Variants in EXOC6 observed in about 807,000 individuals in gnomAD.
The protein encoded by EXOC6 is exocyst complex component 6, also known as SEC15-like 1.
A neutral mutation model predicts 112.5 loss-of-function variants in EXOC6; 60 were observed. The ratio of observed to expected loss-of-function variants is 0.53; its 90% confidence interval spans 0.43 to 0.66. The LOEUF (loss-of-function observed/expected upper bound fraction) is 0.66. EXOC6 is among the 30% of genes least tolerant of loss of function. The pLI, the probability that EXOC6 is intolerant of heterozygous loss-of-function variation, is 0.00. For synonymous variants in EXOC6, 295 were observed against 308.0 expected (o/e 0.96, Z 0.44); for missense variants, 855 against 957.1 (o/e 0.89, Z 1.41).
At chr10:92,920,200 G>T in intron 8 of EXOC6, 150 bp downstream of exon 8, 1 of 485,178 alleles carries the variant, frequency 2.1e-6, no homozygotes, top group Non-Finnish European at 3.5e-6. Context: ...TACATTTTTT[G>T]TTTACTTATC....
At chr10:92,892,574 A>G (rs1347231838) in intron 1 of EXOC6, among the ~76,000 whole-genome samples, 1 of 152,218 alleles carries the variant, frequency 6.6e-6, no homozygotes, top group Non-Finnish European at 1.5e-5. Context: ...AGCATCTGCT[A>G]TTTGGCAGTC....
At chr10:92,873,716 A>G (rs1000153819) in intron 1 of EXOC6, among the ~76,000 whole-genome samples, 1 of 152,168 alleles carries the variant, frequency 6.6e-6, no homozygotes, top group Non-Finnish European at 1.5e-5. Context: ...CGTGAGTTTT[A>G]TGTAAACAAG....
intron 20 of EXOC6, among the ~76,000 whole-genome samples, chr10:93,042,926 C>CTAT (rs146131116): frequency 2.2e-4 from 32 of 143,734 alleles, no homozygotes; most frequent in Middle Eastern, 7.3e-3. Context: ...AGATATTTTA[C>CTAT]TATTATTATT....
intron 1 of EXOC6, among the ~76,000 whole-genome samples, chr10:92,856,662 A>G (rs763740145): frequency 2.0e-5 from 3 of 152,034 alleles, no homozygotes; most frequent in Non-Finnish European, 2.9e-5. Flanking sequence ...TGTGTATCCT[A>G]CTGTTGTTGG....
chr10:92,999,850 C>T (rs1843672016), intron 19 of EXOC6, among the ~76,000 whole-genome samples: 1 of 151,942 alleles, frequency 6.6e-6, no homozygotes, highest in Non-Finnish European at 1.5e-5. Context: ...CTATAGGTGC[C>T]TGCCACCAGG....
chr10:92,832,860 G>A (rs1846533047), upstream of EXOC6, among the ~76,000 whole-genome samples: 1 of 151,408 alleles, frequency 6.6e-6, no homozygotes, highest in Non-Finnish European at 1.5e-5. Flanking sequence ...ACAGGGTCTC[G>A]CCCTGTTGGC....
intron 2 of EXOC6, 63 bp downstream of exon 2, chr10:92,893,583 A>T (rs185410835): frequency 3.0e-6 from 4 of 1,328,196 alleles, no homozygotes; most frequent in Admixed American, 2.1e-5. Context: ...CTTAGTTGAT[A>T]GTACATATGT....
At chr10:92,905,057 G>T (rs57118208) in intron 5 of EXOC6, among the ~76,000 whole-genome samples, 3,343 of 152,052 alleles carry the variant, frequency 0.022, 57 homozygotes, top group African/African-American at 0.041. Flanking sequence ...TTTAAAGAAC[G>T]ACTCTTTTTC....
At chr10:92,920,176 CTG>C (rs1851349335) in intron 8 of EXOC6, 126 bp downstream of exon 8, 1 of 529,336 alleles carries the variant, frequency 1.9e-6, no homozygotes, top group Non-Finnish European at 3.2e-6. Flanking sequence ...AATATCCACT[CTG>C]TGTAAGGCAC....
In EXOC6 at chr10:92,859,821, A is replaced by ATGTGTGTG. The variant is rs10617958; in HGVS notation, c.101+11221_101+11228dup. 2.6e-3 allele frequency among the ~76,000 whole-genome samples: 370 copies of ATGTGTGTG among 141,686 alleles called. 1 individual carries two copies. The highest frequency in any genetic ancestry group is 8.9e-3 in the East Asian group (43 of 4,810). The allele number at this position is 141,686 out of a possible 152,430, so 93.0% of individuals were successfully genotyped here. ...TGTGTGTGTGTGCACGTTTGTGTGC[A>ATGTGTGTG]TGTGTGTGTGTGTGTGTGTGTGTGT... is the stretch of plus-strand genomic sequence containing the variant. On this transcript the variant is annotated intron_variant, in intron 1 of 21. Transcript: ENST00000260762.
intron 18 of EXOC6, among the ~76,000 whole-genome samples, chr10:92,977,270 G>GAA (rs35357127): frequency 2.7e-4 from 41 of 150,056 alleles, no homozygotes; most frequent in African/African-American, 7.6e-4. Context: ...TTGGAATGGG[G>GAA]AAAAAAAAAG....
chr10:92,911,901 TTCTCTCTCTCTCTCTCTC>T (rs113097452), intron 6 of EXOC6, among the ~76,000 whole-genome samples: 2 of 139,924 alleles, frequency 1.4e-5, no homozygotes, highest in Non-Finnish European at 3.1e-5. Context: ...TCTTGTGGGT[TTCTCTCTCTCTCTCTCTC>T]TCTCTCTCTC....
At chr10:92,967,369 A>C (rs1403526254) in intron 17 of EXOC6, among the ~76,000 whole-genome samples, 1 of 152,058 alleles carries the variant, frequency 6.6e-6, no homozygotes, top group African/African-American at 2.4e-5. Context: ...CGTGACTTAA[A>C]AATTTCTAGA....
intron 1 of EXOC6, among the ~76,000 whole-genome samples, chr10:92,885,328 T>C (rs1218632259): frequency 1.3e-5 from 2 of 152,088 alleles, no homozygotes; most frequent in Non-Finnish European, 2.9e-5. Flanking sequence ...GTAAAATCTT[T>C]AGTGTGGCAT....
intron 20 of EXOC6, among the ~76,000 whole-genome samples, chr10:93,055,946 G>A (rs1266557961): frequency 6.6e-6 from 1 of 152,028 alleles, no homozygotes; most frequent in Admixed American, 6.6e-5. Context: ...GTCAGTGGTC[G>A]GCTCTTGTAT....
At chr10:92,997,432 T>G in intron 18 of EXOC6, 42 bp from the exon 19 acceptor site, 1 of 1,560,452 alleles carries the variant, frequency 6.4e-7, no homozygotes, top group South Asian at 1.2e-5. Flanking sequence ...TATTTCTATG[T>G]GTGTTTATTT....
At chr10:92,943,369 G>A (rs954394047) in intron 13 of EXOC6, among the ~76,000 whole-genome samples, 6 of 152,004 alleles carry the variant, frequency 3.9e-5, no homozygotes, top group South Asian at 4.2e-4. Flanking sequence ...CCTCTGACCC[G>A]TATCCTTAAA....
chr10:92,936,900 C>T (rs1852375078), intron 12 of EXOC6, among the ~76,000 whole-genome samples: 2 of 152,056 alleles, frequency 1.3e-5, no homozygotes, highest in Admixed American at 6.5e-5. Context: ...CTCTCCCATC[C>T]TGGATATTTG....
At chr10:92,839,282 G>T (rs1265649443) in intron 1 of EXOC6, among the ~76,000 whole-genome samples, 6 of 149,854 alleles carry the variant, frequency 4.0e-5, no homozygotes, top group Non-Finnish European at 8.9e-5. Context: ...GTGTAGATGT[G>T]CCTGGCTCCT....
Sources: gnomAD v4.1 joint callset for allele counts (sites outside exome capture counted in the v4.1 genomes callset) on GRCh38, gnomAD v4.1.1 for gene constraint, MANE v1.5 for transcripts, NCBI Gene and HGNC (gene_info 2026-07-23, HGNC 2026-07-21) for gene names.